HIRA: variants seen among roughly 807,000 people sequenced by gnomAD.
HIRA encodes the protein protein HIRA.
A neutral mutation model predicts 126.6 loss-of-function variants in HIRA; 13 were observed. The ratio of observed to expected loss-of-function variants is 0.10; its 90% confidence interval spans 0.07 to 0.16. The LOEUF (loss-of-function observed/expected upper bound fraction) is 0.16, where lower values mean the gene tolerates loss of function less well. Among genes scored for constraint, HIRA ranks in the 10% least tolerant of loss-of-function variants. The pLI, the probability that HIRA is intolerant of heterozygous loss-of-function variation, is 1.00. For synonymous variants in HIRA, 511 were observed against 520.0 expected, an observed-to-expected ratio of 0.98 and a Z score of 0.24; for missense variants, 834 against 1,314.4, an observed-to-expected ratio of 0.63 and a Z score of 5.65.
At position 19,363,937 on chromosome 22, in the gene HIRA, A is replaced by G. The variant is rs541923426; in HGVS notation, c.1776-2006T>C. ...CAAAAAACTATTCTGTAAGATATAT[A>G]ATGATGAATATATGTCATTATACAT... On this transcript the variant is annotated intron_variant, in intron 15 of 24. Coordinates refer to ENST00000263208, the MANE Select transcript of HIRA (RefSeq NM_003325.4). 4.6e-5 allele frequency among the ~76,000 whole-genome samples: 7 copies of G among 152,364 alleles called. No homozygotes were observed. In the East Asian group the frequency reaches 1.4e-3, roughly 29 times the overall value.
chr22:19,401,797 A>G (rs946633489), intron 5 of HIRA, among the ~76,000 whole-genome samples: 1 of 152,016 alleles, frequency 6.6e-6, no homozygotes, highest in Admixed American at 6.5e-5. Flanking sequence ...TGTTTTTCGG[A>G]GCGGCTCCTT....
In HIRA at chr22:19,431,420, C is replaced by G. The variant is rs768922584; in HGVS notation, c.37+20G>C. 4 of 1,607,876 alleles carry G rather than the reference C, an allele frequency of 2.5e-6. No individual in the cohort carries two copies. The African/African-American group carries it at 4.0e-5, about 16-fold the overall frequency. On this transcript the variant is annotated intron_variant, in intron 1 of 24. Transcript: ENST00000263208. ...ACCCGACTCCGGGCTCGGCCTCCCG[C>G]GACCCCTGCGCGCACTCACCATTGT... is the stretch of plus-strand genomic sequence containing the variant.
intron 11 of HIRA, among the ~76,000 whole-genome samples, chr22:19,387,453 T>C (rs1339641417): frequency 6.6e-6 from 1 of 152,204 alleles, no homozygotes; most frequent in Non-Finnish European, 1.5e-5. Context: ...GTGGATGGCC[T>C]ATTATCAGCT....
chr22:19,422,528 G>C (rs1464170659), intron 1 of HIRA, among the ~76,000 whole-genome samples: 1 of 152,092 alleles, frequency 6.6e-6, no homozygotes, highest in Non-Finnish European at 1.5e-5. Context: ...CCTTCTAGTA[G>C]CCTACTAGGC....
At chr22:19,340,277 T>C (rs1556007207) in intron 24 of HIRA, among the ~76,000 whole-genome samples, 1 of 151,696 alleles carries the variant, frequency 6.6e-6, no homozygotes, top group Non-Finnish European at 1.5e-5. Flanking sequence ...AATCATATGA[T>C]CATCTCAATA....
intron 18 of HIRA, among the ~76,000 whole-genome samples, chr22:19,357,660 T>A (rs979008193): frequency 1.3e-5 from 2 of 152,114 alleles, no homozygotes; most frequent in South Asian, 2.1e-4. Context: ...CAGAGCCCCC[T>A]AAGGCACAGC....
At position 19,351,437 on chromosome 22, in the gene HIRA, T is replaced by A; in HGVS notation, c.2858A>T (p.Tyr953Phe). 2 of 1,612,910 alleles carry A rather than the reference T, an allele frequency of 1.2e-6. No homozygotes were observed. The highest frequency in any genetic ancestry group is 1.7e-6 in the Non-Finnish European group (2 of 1,179,270). Residue 953 changes from tyrosine to phenylalanine, a missense_variant, in exon 24 of 25, where the codon TAC (tyrosine) becomes TTC (phenylalanine). This residue lies in a region of HIRA where 58 missense variants were observed against 114.5 expected (regional missense o/e 0.51). Coordinates refer to ENST00000263208, the MANE Select transcript of HIRA (RefSeq NM_003325.4). This position sits in a 1 kb window ranked among gnomAD's most constrained non-coding sequence, Gnocchi z 4.8. ...ARYLVNEGFE[Y>F]RLREICKDLL... ...GTCCTTGCATATTTCTCGAAGTCGG[T>A]ATTCAAACCCTAATTACAGAAAAAC...
Position 19,359,467 on chromosome 22 carries a change from G to A in HIRA, c.2103C>T (p.Ser701=). Residue 701 remains serine (S), a synonymous_variant, in exon 18 of 25, where the codon TCC becomes TCT. Coordinates refer to ENST00000263208, the MANE Select transcript of HIRA (RefSeq NM_003325.4). ...CTTCATTCTCCACCTCAATGTACATGGAAGGATCGGAGCTGACCTGGATGA... is the reference window on the plus strand; with the variant it reads ...CTTCATTCTCCACCTCAATGTACATAGAAGGATCGGAGCTGACCTGGATGA... ...AFTLQVSSDP[S]MYIEVENEVT... is the part of the protein sequence containing the mutation. The A allele has an allele frequency of 6.2e-7, 1 of 1,607,550 alleles. No individual in the cohort carries two copies. The highest frequency in any genetic ancestry group is 8.5e-7 in the Non-Finnish European group (1 of 1,177,194).
intron 8 of HIRA, among the ~76,000 whole-genome samples, chr22:19,393,140 C>T (rs911764458): frequency 3.3e-5 from 5 of 152,096 alleles, no homozygotes; most frequent in Admixed American, 6.5e-5. Flanking sequence ...AGGCAGGCGT[C>T]GTGATCTCCC....
In HIRA at chr22:19,351,608, G is replaced by A. The variant is rs1449891160; in HGVS notation, c.2849-162C>T. Among the ~76,000 whole-genome samples the A allele has an allele frequency of 6.6e-6, 1 of 152,180 alleles. No individual in the cohort carries two copies. Among genetic ancestry groups the A allele is most frequent in the Admixed American group, 6.5e-5 (1 of 15,284 alleles). On this transcript the variant is annotated intron_variant, in intron 23 of 24. Coordinates refer to ENST00000263208, the MANE Select transcript of HIRA (RefSeq NM_003325.4). This position sits in a 1 kb window ranked among gnomAD's most constrained non-coding sequence, Gnocchi z 4.8. The stretch of plus-strand genomic sequence containing the variant: ...TACTATGGGCAAGACGCCCCTGCAT[G>A]TCTCTCAGCGGGGGGCACTGAGACC...
rs2088757267 is a variant in HIRA, at chr22:19,351,526, C to T, written c.2849-80G>A. The T allele has an allele frequency of 2.7e-6, 3 of 1,093,686 alleles. No individual in the cohort carries two copies. The East Asian group carries it at 7.2e-5, about 26-fold the overall frequency. The allele number at this position is 1,093,686 out of a possible 1,614,324, so 67.7% of individuals were successfully genotyped here. On this transcript the variant is annotated intron_variant, in intron 23 of 24. Transcript: ENST00000263208. The surrounding 1 kb of genome is among the most constrained non-coding windows in gnomAD (Gnocchi z 4.8). Reference sequence around the variant, plus strand: ...AACACATTACAAAAAGAAATAAAATCAAGAATATGTTGTTGTGTCTATCAA... The same window carrying T: ...AACACATTACAAAAAGAAATAAAATTAAGAATATGTTGTTGTGTCTATCAA...
chr22:19,405,498 G>T, intron 5 of HIRA: 3 of 985,390 alleles, frequency 3.0e-6, no homozygotes, highest in Non-Finnish European at 3.6e-6. Context: ...TACTGATTCT[G>T]TTCAGCAGGA....
At chr22:19,382,396 T>C (rs1053565857) in intron 13 of HIRA, among the ~76,000 whole-genome samples, 1 of 152,090 alleles carries the variant, frequency 6.6e-6, no homozygotes, top group Non-Finnish European at 1.5e-5. Context: ...TTGGTCTCAA[T>C]AAAAGGTAGG....
At chr22:19,341,337 C>A (rs548102074) in intron 24 of HIRA, among the ~76,000 whole-genome samples, 2 of 151,678 alleles carry the variant, frequency 1.3e-5, no homozygotes, top group South Asian at 4.2e-4. Context: ...GTAGTCCCAG[C>A]TACTCAGGAG....
rs1348162883 is a variant in HIRA at position 19,343,419 on chromosome 22, C to A, written c.2937+7939G>T. On this transcript the variant is annotated intron_variant, in intron 24 of 24. Transcript: ENST00000263208. ...AAAAAAATAAAAATAAAAAATTTGCCAGGCATGGTGGCGCACATCTGTGGT... is the reference window on the plus strand; with the variant it reads ...AAAAAAATAAAAATAAAAAATTTGCAAGGCATGGTGGCGCACATCTGTGGT... Among the ~76,000 whole-genome samples the A allele has an allele frequency of 2.0e-5, 3 of 151,650 alleles. No homozygotes were observed. In the East Asian group the frequency reaches 5.9e-4, roughly 30 times the overall value.
chr22:19,383,809 C>T, intron 12 of HIRA, 104 bp from the exon 13 acceptor site: 2 of 814,364 alleles, frequency 2.5e-6, no homozygotes, highest in Admixed American at 4.2e-5. Context: ...GAACACTAAG[C>T]ATAAGATCCA....
At chr22:19,354,461 G>T (rs967510958) in intron 21 of HIRA, among the ~76,000 whole-genome samples, 1 of 152,176 alleles carries the variant, frequency 6.6e-6, no homozygotes, top group Non-Finnish European at 1.5e-5. Context: ...CACTGCCATG[G>T]TCTGCCCACA....
chr22:19,364,119 A>G (rs190561804), intron 15 of HIRA, among the ~76,000 whole-genome samples: 131 of 152,108 alleles, frequency 8.6e-4, no homozygotes, highest in African/African-American at 2.2e-3. Context: ...TTCCTGTTCA[A>G]TTTAGCTGTG....
At chr22:19,395,285 G>T (rs1276757526) in intron 7 of HIRA, among the ~76,000 whole-genome samples, 1 of 152,124 alleles carries the variant, frequency 6.6e-6, no homozygotes, top group East Asian at 1.9e-4. Flanking sequence ...ACAAACCAGA[G>T]CCTGAGTATA....
Sources: allele counts gnomAD v4.1 joint callset (sites outside exome capture counted in the v4.1 genomes callset), GRCh38; gene constraint gnomAD v4.1.1; regional missense constraint gnomAD v4.1.1; non-coding constraint Gnocchi (gnomAD v3.1); transcripts MANE v1.5; gene names NCBI Gene and HGNC (gene_info 2026-07-23, HGNC 2026-07-21).